NCAPH: variants seen among roughly 807,000 people sequenced by gnomAD.
NCAPH encodes the protein non-SMC condensin I complex subunit H.
In NCAPH, 38 loss-of-function variants were observed where a neutral mutation model predicts 85.5. That is an observed-to-expected ratio of 0.44 (90% CI 0.34 to 0.58). The LOEUF (loss-of-function observed/expected upper bound fraction) is 0.58. Ranked by LOEUF, NCAPH falls within the 20% of genes least tolerant of loss-of-function variation. NCAPH has a pLI of 0.01. For synonymous variants in NCAPH, 301 were observed against 335.1 expected (o/e 0.90, Z 1.11); for missense variants, 789 against 916.6 (o/e 0.86, Z 1.80).
chr2:96,336,245 T>C (rs2064213202), intron 1 of NCAPH, among the ~76,000 whole-genome samples: 1 of 152,196 alleles, frequency 6.6e-6, no homozygotes, highest in Non-Finnish European at 1.5e-5. Context: ...GTTGTATGCT[T>C]AGCATGCATG....
rs1462667397 is a variant in NCAPH, at chr2:96,352,011, G to T, written c.901G>T (p.Asp301Tyr). ...LPELGCVEMT[D>Y]LKAPLQQCAE... is the part of the protein sequence containing the mutation. ...AGAGTTAGGTTGTGTAGAAATGACA[G>T]ATTTAAAAGGTAAGTACAAGTGATG... The change falls in exon 7 of 18, where the codon GAT becomes TAT. Residue 301 changes from aspartate to tyrosine, a missense_variant. Coordinates refer to ENST00000240423, the MANE Select transcript of NCAPH (RefSeq NM_015341.5). 1 of 1,609,130 alleles carries T rather than the reference G, an allele frequency of 6.2e-7. No homozygotes were observed.
chr2:96,367,155 G>T, intron 14 of NCAPH, 102 bp from the exon 15 acceptor site: 1 of 755,564 alleles, frequency 1.3e-6, no homozygotes, highest in Non-Finnish European at 2.2e-6. Context: ...GTTGAAACTG[G>T]ATTCCTTCTT....
chr2:96,350,497 G>GA (rs935882282), intron 6 of NCAPH, among the ~76,000 whole-genome samples: 2 of 151,740 alleles, frequency 1.3e-5, no homozygotes, highest in Admixed American at 1.3e-4. Flanking sequence ...TTAGGATGGG[G>GA]AAAAAAAATA....
intron 6 of NCAPH, among the ~76,000 whole-genome samples, chr2:96,345,011 C>G (rs1053737854): frequency 2.0e-5 from 3 of 152,182 alleles, no homozygotes; most frequent in African/African-American, 7.2e-5. Context: ...CTCTTACCTC[C>G]ACAACATTCA....
intron 4 of NCAPH, 99 bp from the exon 5 acceptor site, chr2:96,343,067 T>G: frequency 6.6e-7 from 1 of 1,506,444 alleles, no homozygotes; most frequent in Non-Finnish European, 9.0e-7. Flanking sequence ...CATTGCTTCC[T>G]TGGGGCAAGT....
chr2:96,339,916 A>C (rs2064268246), intron 1 of NCAPH, among the ~76,000 whole-genome samples: 1 of 150,764 alleles, frequency 6.6e-6, no homozygotes, highest in African/African-American at 2.5e-5. Flanking sequence ...CTCCTTCTTT[A>C]TTTTTACTTA....
At chr2:96,373,042 TA>T (rs1372047955) in intron 17 of NCAPH, among the ~76,000 whole-genome samples, 1 of 152,100 alleles carries the variant, frequency 6.6e-6, no homozygotes, top group African/African-American at 2.4e-5. Flanking sequence ...AGGCCCTTTA[TA>T]GGGGGTGGGT....
intron 8 of NCAPH, among the ~76,000 whole-genome samples, chr2:96,353,849 G>C (rs1237123224): frequency 6.6e-6 from 1 of 152,082 alleles, no homozygotes; most frequent in Non-Finnish European, 1.5e-5. Context: ...GCCCCCTTTA[G>C]CCTACTTACT....
Position 96,354,656 on chromosome 2 carries a change from GT to G in NCAPH, c.1208+269del, listed in dbSNP as rs545781867. On this transcript the variant is annotated intron_variant, in intron 9 of 17. Transcript: ENST00000240423. ...AGTTCTTAACAGATTTCCTGCTGGG[GT>G]GATTGAATTTGATGTCTGATTGGCT... is the stretch of plus-strand genomic sequence containing the variant. Among the ~76,000 whole-genome samples, 8 of 152,202 alleles carry G rather than the reference GT, an allele frequency of 5.3e-5. No individual in the cohort carries two copies. The East Asian group carries it at 1.5e-3, about 29-fold the overall frequency.
chr2:96,345,354 C>A lies in NCAPH; in HGVS notation c.720+1125C>A, dbSNP rs1173927230. On this transcript the variant is annotated intron_variant, in intron 6 of 17. Transcript: ENST00000240423. ...GAGGGAGGGGATTGTGTGCCCAGGA[C>A]CCAGACCCTGGAACGGGGGCATGCT... Among the ~76,000 whole-genome samples, 4 of 152,228 alleles carry A rather than the reference C, an allele frequency of 2.6e-5. No individual in the cohort carries two copies. The South Asian group carries it at 8.3e-4, about 32-fold the overall frequency.
intron 14 of NCAPH, among the ~76,000 whole-genome samples, chr2:96,367,048 A>G (rs946581740): frequency 6.6e-6 from 1 of 152,130 alleles, no homozygotes. Flanking sequence ...GTGAGCTGAG[A>G]TTGCACCATT....
rs956592422 is a variant in NCAPH at position 96,360,323 on chromosome 2, A to C, written c.1464+74A>C. The C allele has an allele frequency of 4.2e-6, 4 of 958,016 alleles. No homozygotes were observed. The African/African-American group carries it at 5.0e-5, about 12-fold the overall frequency. 59.3% of individuals were successfully genotyped at this position (958,016 alleles called of 1,614,324 possible). On this transcript the variant is annotated intron_variant, in intron 11 of 17. Coordinates refer to ENST00000240423, the MANE Select transcript of NCAPH (RefSeq NM_015341.5). ...GATGTGATTTTTTAAAATTCCGTAT[A>C]AATTTAACTGTTAGAGCAAACAGAT...
intron 12 of NCAPH, among the ~76,000 whole-genome samples, chr2:96,363,973 C>CT (rs1213023752): frequency 6.6e-6 from 1 of 151,998 alleles, no homozygotes; most frequent in Non-Finnish European, 1.5e-5. Flanking sequence ...ACCATGCCAT[C>CT]TTTTTTTGTA....
At chr2:96,368,641 G>A (rs2064730847) in intron 15 of NCAPH, among the ~76,000 whole-genome samples, 2 of 152,120 alleles carry the variant, frequency 1.3e-5, no homozygotes, top group Admixed American at 6.6e-5. Context: ...TGGCGACAGA[G>A]CGAGACTCCG....
intron 1 of NCAPH, among the ~76,000 whole-genome samples, chr2:96,340,515 T>C (rs1162411327): frequency 2.0e-5 from 3 of 150,646 alleles, no homozygotes; most frequent in African/African-American, 7.3e-5. Context: ...CTCAGCCTCC[T>C]GAGTAGCTGG....
chr2:96,344,290 TG>T (rs2064335060), intron 6 of NCAPH, 61 bp downstream of exon 6: 1 of 1,532,860 alleles, frequency 6.5e-7, no homozygotes, highest in Non-Finnish European at 8.7e-7. Context: ...GGCTGAGACT[TG>T]GCAGGGCTAA....
intron 5 of NCAPH, among the ~76,000 whole-genome samples, chr2:96,343,836 G>T (rs1397639019): frequency 6.6e-6 from 1 of 152,086 alleles, no homozygotes. Context: ...AAGTAGCTGG[G>T]ACTACAGGTG....
At chr2:96,359,354 C>T in intron 10 of NCAPH, 161 bp downstream of exon 10, 1 of 817,822 alleles carries the variant, frequency 1.2e-6, no homozygotes, top group Non-Finnish European at 1.9e-6. Context: ...GTCAGTTTGC[C>T]TGGCCTGGGA....
chr2:96,344,954 A>G (rs1384707332), intron 6 of NCAPH, among the ~76,000 whole-genome samples: 1 of 152,228 alleles, frequency 6.6e-6, no homozygotes, highest in Non-Finnish European at 1.5e-5. Flanking sequence ...CCTCAAAAAA[A>G]GGTACTAATT....
Sources: allele counts gnomAD v4.1 joint callset (sites outside exome capture counted in the v4.1 genomes callset), GRCh38; gene constraint gnomAD v4.1.1; transcripts MANE v1.5; gene names NCBI Gene and HGNC (gene_info 2026-07-23, HGNC 2026-07-21).